Variants in PTPRT observed in about 807,000 individuals in gnomAD.
PTPRT encodes the protein receptor-type tyrosine-protein phosphatase T.
Under a neutral mutation model 176.8 loss-of-function variants are expected in PTPRT, and 56 were observed. The ratio of observed to expected loss-of-function variants is 0.32; its 90% confidence interval spans 0.26 to 0.40. PTPRT has a LOEUF of 0.40. PTPRT is among the 10% of genes least tolerant of loss of function. The pLI is 1.00. For missense variants in PTPRT, 1,540 were observed against 1,908.2 expected, an observed-to-expected ratio of 0.81 and a Z score of 3.60; for synonymous variants, 783 against 739.0, an observed-to-expected ratio of 1.06 and a Z score of -0.96.
At chr20:42,698,842 T>C (rs917317250) in intron 6 of PTPRT, among the ~76,000 whole-genome samples, 2 of 150,550 alleles carry the variant, frequency 1.3e-5, no homozygotes, top group African/African-American at 2.5e-5. Flanking sequence ...GAGGCAACAA[T>C]GAATGCATAC....
At chr20:42,057,924 C>A in the PTPRT span, among the ~76,000 whole-genome samples, 1 of 152,174 alleles carries the variant, frequency 6.6e-6, no homozygotes, top group Non-Finnish European at 1.5e-5. Context: ...ATAAATATTT[C>A]TCTCCATTTT....
At chr20:42,225,026 T>C (rs1468661746) in intron 15 of PTPRT, among the ~76,000 whole-genome samples, 3 of 152,242 alleles carry the variant, frequency 2.0e-5, no homozygotes, top group Admixed American at 6.5e-5. Flanking sequence ...AAAAATGACA[T>C]TGTCTTCCTT....
At chr20:42,506,219 T>C (rs1388533547) in intron 7 of PTPRT, among the ~76,000 whole-genome samples, 3 of 152,202 alleles carry the variant, frequency 2.0e-5, no homozygotes. Context: ...TATACATACA[T>C]TTATCAATAA....
rs1713549195 is a variant in PTPRT at position 42,885,878 on chromosome 20, C to T, written c.143G>A (p.Gly48Glu). The change falls in exon 2 of 31, where the codon GGG becomes GAG. Residue 48 changes from glycine (G) to glutamate (E), a missense_variant. Coordinates refer to ENST00000373187, the MANE Select transcript of PTPRT (RefSeq NM_007050.6). The stretch of plus-strand genomic sequence containing the variant: ...CTGCTCCCAGGTGAACCCATTGGTC[C>T]CTAGAGCCACACTATAACCACAGTT... ...YSNCGYSVAL[G>E]TNGFTWEQIN... The T allele has an allele frequency of 1.2e-6, 2 of 1,610,990 alleles. No homozygotes were observed. The highest frequency in any genetic ancestry group is 4.5e-5 in the East Asian group (2 of 44,762).
At chr20:43,143,527 G>A (rs1158628348) in intron 1 of PTPRT, among the ~76,000 whole-genome samples, 3 of 152,194 alleles carry the variant, frequency 2.0e-5, no homozygotes. Context: ...GTAAGGCTGG[G>A]CACCACACAT....
chr20:43,087,403 C>T (rs1202795886), intron 1 of PTPRT, among the ~76,000 whole-genome samples: 6 of 139,032 alleles, frequency 4.3e-5, no homozygotes, highest in South Asian at 2.3e-4. Context: ...GAAACAGGGT[C>T]GCCCAGGCTG....
At chr20:42,851,855 T>G (rs534904962) in intron 2 of PTPRT, among the ~76,000 whole-genome samples, 8 of 152,218 alleles carry the variant, frequency 5.3e-5, no homozygotes, top group Non-Finnish European at 1.0e-4. Context: ...TCTATGCTTA[T>G]GTACGGACTG....
At chr20:42,777,803 G>A (rs537422756) in intron 4 of PTPRT, among the ~76,000 whole-genome samples, 2 of 152,270 alleles carry the variant, frequency 1.3e-5, no homozygotes, top group South Asian at 4.1e-4. Flanking sequence ...CATGATTCGT[G>A]AGCTGTGGAT....
At chr20:42,624,227 A>T (rs1365823159) in intron 7 of PTPRT, among the ~76,000 whole-genome samples, 2 of 152,168 alleles carry the variant, frequency 1.3e-5, no homozygotes, top group East Asian at 3.9e-4. Context: ...GCTTGCCATT[A>T]TCCATTCTGT....
chr20:42,767,314 T>C (rs2076996465), intron 5 of PTPRT, among the ~76,000 whole-genome samples: 1 of 152,114 alleles, frequency 6.6e-6, no homozygotes, highest in Non-Finnish European at 1.5e-5. Context: ...CCAGCGTGAA[T>C]GGGCACCATC....
chr20:42,199,534 C>T (rs1991365584), intron 15 of PTPRT, 146 bp from the exon 16 acceptor site: 1 of 914,718 alleles, frequency 1.1e-6, no homozygotes, highest in Admixed American at 2.6e-5. Flanking sequence ...CAGAACAAAC[C>T]ATGAATGGTT....
chr20:42,164,977 T>G (rs906401858), intron 16 of PTPRT, among the ~76,000 whole-genome samples: 6 of 152,212 alleles, frequency 3.9e-5, no homozygotes, highest in African/African-American at 1.4e-4. Context: ...TTCACACTTT[T>G]TATATAGCTG....
At chr20:43,129,444 C>T (rs1172664204) in intron 1 of PTPRT, among the ~76,000 whole-genome samples, 1 of 152,046 alleles carries the variant, frequency 6.6e-6, no homozygotes, top group Non-Finnish European at 1.5e-5. Context: ...CTAGTGAGCT[C>T]TGCCTGCCAC....
intron 15 of PTPRT, among the ~76,000 whole-genome samples, chr20:42,217,608 A>C (rs565554169): frequency 6.6e-6 from 1 of 152,206 alleles, no homozygotes; most frequent in South Asian, 2.1e-4. Context: ...GGATTTCTCA[A>C]CCTCAGCACT....
In PTPRT at chr20:42,885,906, T is replaced by C. The variant is rs945531023; in HGVS notation, c.115A>G (p.Ser39Gly). 5.0e-6 allele frequency: 8 copies of C among 1,610,102 alleles called. 1 individual carries two copies. The Admixed American group carries it at 1.0e-4, about 20-fold the overall frequency. ...AGAGCCACACTATAACCACAGTTGC[T>C]GTAGTGCTCATCAAAGGAACAGCCA... ...AGGCSFDEHY[S>G]NCGYSVALGT... Residue 39 changes from serine to glycine, a missense_variant, in exon 2 of 31, where the codon AGC becomes GGC. By Grantham distance (56) the Ser-to-Gly change is moderately conservative (BLOSUM62 0). Transcript: ENST00000373187.
At chr20:42,196,151 C>G (rs73262921) in intron 16 of PTPRT, among the ~76,000 whole-genome samples, 2,242 of 152,200 alleles carry the variant, frequency 0.015, 48 homozygotes, top group African/African-American at 0.052. Flanking sequence ...GGTACTTTTA[C>G]AAATGGAAAA....
chr20:42,250,010 A>G (rs936852239), intron 13 of PTPRT, among the ~76,000 whole-genome samples: 10 of 152,100 alleles, frequency 6.6e-5, no homozygotes, highest in African/African-American at 2.4e-4. Flanking sequence ...CCACATCTAC[A>G]TCAGCTCACT....
At chr20:42,849,317 C>T (rs931260468) in intron 2 of PTPRT, among the ~76,000 whole-genome samples, 1 of 152,182 alleles carries the variant, frequency 6.6e-6, no homozygotes, top group African/African-American at 2.4e-5. Context: ...CTAAGTCTTT[C>T]CCACTTGCTC....
At chr20:43,076,756 G>C (rs1346917768) in intron 1 of PTPRT, among the ~76,000 whole-genome samples, 1 of 152,104 alleles carries the variant, frequency 6.6e-6, no homozygotes, top group African/African-American at 2.4e-5. Flanking sequence ...GCTTTCAGGA[G>C]AGCTTTGATT....
Sources: allele counts gnomAD v4.1 joint callset (sites outside exome capture counted in the v4.1 genomes callset), GRCh38; gene constraint gnomAD v4.1.1; transcripts MANE v1.5; gene names NCBI Gene and HGNC (gene_info 2026-07-23, HGNC 2026-07-21).